CNTNAP2: variants seen among roughly 807,000 people sequenced by gnomAD.
CNTNAP2 encodes the protein contactin associated protein 2.
A neutral mutation model predicts 155.2 loss-of-function variants in CNTNAP2; 98 were observed. The observed-to-expected ratio is 0.63, with a 90% CI of 0.54 to 0.75. The LOEUF (loss-of-function observed/expected upper bound fraction) is 0.75. Among genes scored for constraint, CNTNAP2 ranks in the 30% least tolerant of loss-of-function variants. The probability of loss-of-function intolerance (pLI) is 0.00; values close to 1 mark genes in which losing one functional copy is unlikely to be tolerated. For synonymous variants in CNTNAP2, 651 were observed against 631.2 expected, an observed-to-expected ratio of 1.03 and a Z score of -0.47; for missense variants, 1,727 against 1,688.1, an observed-to-expected ratio of 1.02 and a Z score of -0.40.
intron 14 of CNTNAP2, among the ~76,000 whole-genome samples, chr7:147,915,279 AC>A (rs34306054): frequency 0.2 from 31,046 of 152,152 alleles, 3,531 homozygotes; most frequent in Middle Eastern, 0.32. Context: ...GCGCCGTGAA[AC>A]TGAGAATATT....
chr7:147,929,719 T>G (rs1353355408), intron 14 of CNTNAP2, among the ~76,000 whole-genome samples: 1 of 152,192 alleles, frequency 6.6e-6, no homozygotes, highest in Non-Finnish European at 1.5e-5. Context: ...CAGTACCTAC[T>G]TTTAGGTAAG....
intron 21 of CNTNAP2, among the ~76,000 whole-genome samples, chr7:148,331,691 G>A (rs1237818393): frequency 2.1e-4 from 31 of 148,758 alleles, no homozygotes; most frequent in South Asian, 4.3e-4. Flanking sequence ...TGGAATGGAC[G>A]GATGGAGTGG....
At chr7:147,658,124 G>A (rs1235822113) in intron 13 of CNTNAP2, among the ~76,000 whole-genome samples, 1 of 143,368 alleles carries the variant, frequency 7.0e-6, no homozygotes, top group Non-Finnish European at 1.5e-5. Context: ...GGGCGTAGTG[G>A]CGGGCGCCTG....
At chr7:147,671,219 G>A (rs1283372764) in intron 13 of CNTNAP2, among the ~76,000 whole-genome samples, 1 of 152,208 alleles carries the variant, frequency 6.6e-6, no homozygotes, top group Non-Finnish European at 1.5e-5. Flanking sequence ...AGGAGTTGAC[G>A]GCTGTGAGCT....
chr7:146,226,926 A>T (rs2098288), intron 1 of CNTNAP2, among the ~76,000 whole-genome samples: 106,510 of 152,050 alleles, frequency 0.7, 38,130 homozygotes, highest in East Asian at 0.94. Flanking sequence ...ACTTTAAGAA[A>T]TGTTACTTTT....
At chr7:147,727,009 G>A (rs556358018) in intron 13 of CNTNAP2, among the ~76,000 whole-genome samples, 9 of 128,862 alleles carry the variant, frequency 7.0e-5, no homozygotes, top group East Asian at 2.0e-4. Flanking sequence ...ATACATATGC[G>A]TATATGTATA....
intron 13 of CNTNAP2, among the ~76,000 whole-genome samples, chr7:147,849,623 A>G (rs1266890505): frequency 2.0e-5 from 3 of 152,238 alleles, no homozygotes; most frequent in Admixed American, 2.0e-4. Context: ...AAACATGCAA[A>G]GAAACCTCTT....
chr7:146,349,099 TAG>T (rs1195291281), intron 1 of CNTNAP2, among the ~76,000 whole-genome samples: 1 of 152,204 alleles, frequency 6.6e-6, no homozygotes, highest in Non-Finnish European at 1.5e-5. Context: ...TTTGCCTGAT[TAG>T]GTCAGGCTTA....
At chr7:146,538,659 C>T (rs151297585) in intron 1 of CNTNAP2, among the ~76,000 whole-genome samples, 1 of 151,966 alleles carries the variant, frequency 6.6e-6, no homozygotes, top group African/African-American at 2.4e-5. Context: ...AAGCATTTGG[C>T]AAGCACAACA....
chr7:147,312,158 T>C (rs1795138621), intron 9 of CNTNAP2, among the ~76,000 whole-genome samples: 1 of 152,110 alleles, frequency 6.6e-6, no homozygotes, highest in South Asian at 2.1e-4. Context: ...TTATTTTTAA[T>C]TTCTCTTTCT....
At chr7:146,816,513 G>T (rs1563243433) in intron 2 of CNTNAP2, among the ~76,000 whole-genome samples, 1 of 152,186 alleles carries the variant, frequency 6.6e-6, no homozygotes, top group Non-Finnish European at 1.5e-5. Flanking sequence ...AAACTAATGG[G>T]CACACACTGT....
Position 147,301,884 on chromosome 7 carries a change from C to T in CNTNAP2, c.1498+1594C>T, listed in dbSNP as rs1332477747. On this transcript the variant is annotated intron_variant, in intron 9 of 23. Coordinates refer to ENST00000361727, the MANE Select transcript of CNTNAP2 (RefSeq NM_014141.6). ...CTTGCCACTGAGTTTGCAGCTAGCACCTTAAGTTTTCTGAGTCCTATACCA... is the reference window on the plus strand; with the variant it reads ...CTTGCCACTGAGTTTGCAGCTAGCATCTTAAGTTTTCTGAGTCCTATACCA... 3.3e-5 allele frequency among the ~76,000 whole-genome samples: 5 copies of T among 152,120 alleles called. No individual in the cohort carries two copies. The East Asian group carries it at 9.7e-4, about 29-fold the overall frequency.
intron 10 of CNTNAP2, among the ~76,000 whole-genome samples, 174 bp downstream of exon 10, chr7:147,395,954 T>C (rs1292636435): frequency 6.6e-6 from 1 of 150,582 alleles, no homozygotes; most frequent in Non-Finnish European, 1.5e-5. Context: ...TGATTATGTT[T>C]ATGTTTTTAT....
chr7:146,913,438 A>C (rs987665001), intron 3 of CNTNAP2, among the ~76,000 whole-genome samples: 2 of 152,192 alleles, frequency 1.3e-5, no homozygotes, highest in Non-Finnish European at 2.9e-5. Flanking sequence ...TCAGGCTGCT[A>C]TAACAAATGA....
chr7:147,632,890 G>T (rs1255126897), intron 12 of CNTNAP2, among the ~76,000 whole-genome samples: 1 of 152,196 alleles, frequency 6.6e-6, no homozygotes, highest in Non-Finnish European at 1.5e-5. Context: ...TTGGGAACTG[G>T]AGTAAAAGTG....
At chr7:146,720,978 C>CTATATATACTGTA (rs1378868773) in intron 1 of CNTNAP2, among the ~76,000 whole-genome samples, 1 of 121,944 alleles carries the variant, frequency 8.2e-6, no homozygotes, top group Non-Finnish European at 1.6e-5. Flanking sequence ...TATATATAGA[C>CTATATATACTGTA]TATATATACT....
At chr7:146,255,072 G>C (rs187700126) in intron 1 of CNTNAP2, among the ~76,000 whole-genome samples, 126 of 152,236 alleles carry the variant, frequency 8.3e-4, no homozygotes, top group African/African-American at 2.7e-3. Flanking sequence ...AGATTGGGTA[G>C]AATAATTCAG....
In CNTNAP2 at chr7:147,588,203, A is replaced by G. The variant is rs1800669672; in HGVS notation, c.1897+25946A>G. 3.7e-5 allele frequency among the ~76,000 whole-genome samples: 5 copies of G among 135,246 alleles called. 1 individual carries two copies. The South Asian group carries it at 1.1e-3, about 30-fold the overall frequency. The allele number at this position is 135,246 out of a possible 152,430, so 88.7% of individuals were successfully genotyped here. A position where few individuals can be genotyped will look rare whatever the true frequency, so the allele number is the denominator to read the frequency against. On this transcript the variant is annotated intron_variant, in intron 12 of 23. Transcript: ENST00000361727. The stretch of plus-strand genomic sequence containing the variant: ...AAGAGAGATGGACATACAGAGAGAG[A>G]GAAAAAACAAAACAAAACGAAACAA...
intron 13 of CNTNAP2, among the ~76,000 whole-genome samples, chr7:147,683,681 A>G (rs571356185): frequency 6.6e-6 from 1 of 151,546 alleles, no homozygotes; most frequent in East Asian, 1.9e-4. Flanking sequence ...CACATGCATT[A>G]TAATATTAAA....
Sources: gnomAD v4.1 joint callset for allele counts (sites outside exome capture counted in the v4.1 genomes callset) on GRCh38, gnomAD v4.1.1 for gene constraint, MANE v1.5 for transcripts, NCBI Gene and HGNC (gene_info 2026-07-23, HGNC 2026-07-21) for gene names.